DEAF1: variants seen among roughly 807,000 people sequenced by gnomAD.
The protein encoded by DEAF1 is deformed epidermal autoregulatory factor 1 homolog.
A neutral mutation model predicts 58.9 loss-of-function variants in DEAF1; 53 were observed. The observed-to-expected ratio is 0.90, with a 90% CI of 0.72 to 1.13. The LOEUF is 1.13. Ranked by LOEUF, DEAF1 falls within the 50% of genes most tolerant of loss-of-function variation. The pLI, the probability that DEAF1 is intolerant of heterozygous loss-of-function variation, is 0.00. For missense variants in DEAF1, 685 were observed against 791.4 expected (o/e 0.87, Z 1.61); for synonymous variants, 385 against 340.4 (o/e 1.13, Z -1.44).
At chr11:693,163 C>T (rs536550285) in intron 1 of DEAF1, among the ~76,000 whole-genome samples, 8 of 152,316 alleles carry the variant, frequency 5.3e-5, no homozygotes, top group East Asian at 1.9e-4. Flanking sequence ...AGAAAACACA[C>T]GTCAGCACAT....
chr11:689,463 G>A (rs991789130), intron 2 of DEAF1, among the ~76,000 whole-genome samples: 1 of 151,740 alleles, frequency 6.6e-6, no homozygotes, highest in Non-Finnish European at 1.5e-5. Flanking sequence ...TGCCCATCTC[G>A]GCCTCCCAGA....
At position 664,366 on chromosome 11, in the gene DEAF1, G is replaced by C. The variant is rs77974071; in HGVS notation, c.1503+10170C>G. ...ACCCCAAGCCATGGCACTGAGAGGA[G>C]GAAGACAGAAACGGTATCACATTCG... On this transcript the variant is annotated intron_variant, in intron 10 of 11. Transcript: ENST00000382409. Among the ~76,000 whole-genome samples, 112 of 152,326 alleles carry C rather than the reference G, an allele frequency of 7.4e-4. No homozygotes were observed. In the East Asian group the frequency reaches 0.018, roughly 25 times the overall value.
chr11:651,855 C>T (rs1329933411), intron 11 of DEAF1, among the ~76,000 whole-genome samples: 1 of 152,226 alleles, frequency 6.6e-6, no homozygotes, highest in African/African-American at 2.4e-5. Flanking sequence ...CACTACACTC[C>T]AGCCTGGGCG....
At chr11:705,995 A>AGGACGCAGAGGGCTGGGGC (rs1245534632) in intron 1 of DEAF1, 6 of 152,188 alleles carry the variant, frequency 3.9e-5, no homozygotes, top group Non-Finnish European at 7.3e-5. Context: ...GGTGTTGGGG[A>AGGACGCAGAGGGCTGGGGC]GGACGCAGAG....
At chr11:689,362 C>T (rs1860737049) in intron 2 of DEAF1, among the ~76,000 whole-genome samples, 1 of 149,058 alleles carries the variant, frequency 6.7e-6, no homozygotes, top group Admixed American at 6.8e-5. Flanking sequence ...CCCACCACCA[C>T]ACCAGGCTAA....
intron 1 of DEAF1, chr11:704,179 C>G: frequency 9.3e-7 from 1 of 1,076,116 alleles, no homozygotes; most frequent in Non-Finnish European, 1.2e-6. Context: ...TTCTCCTGCC[C>G]TGCAAGAGAG....
intron 11 of DEAF1, among the ~76,000 whole-genome samples, chr11:645,125 T>C (rs976649234): frequency 2.2e-5 from 3 of 139,446 alleles, no homozygotes; most frequent in Non-Finnish European, 4.5e-5. Flanking sequence ...ATGGTGCCAC[T>C]GCACTCCAGC....
At chr11:705,377 A>G (rs1318977534) in intron 1 of DEAF1, 2 of 154,510 alleles carry the variant, frequency 1.3e-5, no homozygotes, top group South Asian at 2.0e-4. Context: ...GAGCGGTCAC[A>G]GCAGCTGGGG....
chr11:694,929 G>A lies in DEAF1; in HGVS notation c.119C>T (p.Pro40Leu), dbSNP rs1861044984. 2 of 1,374,016 alleles carry A rather than the reference G, an allele frequency of 1.5e-6. No homozygotes were observed. The highest frequency in any genetic ancestry group is 1.9e-5 in the South Asian group (1 of 51,780). 85.1% of individuals were successfully genotyped at this position (1,374,016 alleles called of 1,614,324 possible). A position where few individuals can be genotyped will look rare whatever the true frequency, so the allele number is the denominator to read the frequency against. ...CGAGTCCTCGTCCCTGCTCAGCACC[G>A]GCTCCTCCGCCTCGCCTCCTGCCGC... Reference protein sequence around the residue: ...AAAAGGEAEEPVLSRDEDSEE... With the variant: ...AAAAGGEAEELVLSRDEDSEE... The change falls in exon 1 of 12, where the codon CCG becomes CTG. Residue 40 changes from proline (P) to leucine (L), a missense_variant. Physicochemically the swap from Pro to Leu is moderately conservative, Grantham distance 98. Transcript: ENST00000382409.
chr11:681,149 C>A (rs1860345601), intron 6 of DEAF1, 60 bp from the exon 7 acceptor site: 3 of 1,611,282 alleles, frequency 1.9e-6, no homozygotes, highest in Admixed American at 1.7e-5. Context: ...GCTGCGCTTG[C>A]AACTCCTCCT....
chr11:651,375 G>C (rs896453673), intron 11 of DEAF1: 1 of 316,570 alleles, frequency 3.2e-6, no homozygotes. Context: ...AGGAGATGGA[G>C]ACCAGGCTGG....
At chr11:698,522 C>T (rs565246681), upstream of DEAF1, among the ~76,000 whole-genome samples, 44 of 152,316 alleles carry the variant, frequency 2.9e-4, no homozygotes, top group African/African-American at 8.7e-4. Context: ...AAGCCACAGA[C>T]GGTGAGCCAC....
Position 655,048 on chromosome 11 carries a change from AAAACAAAC to A in DEAF1, c.1504-1005_1504-998del, listed in dbSNP as rs202011316. On this transcript the variant is annotated intron_variant, in intron 10 of 11. Coordinates refer to ENST00000382409, the MANE Select transcript of DEAF1 (RefSeq NM_021008.4). Reference sequence around the variant, plus strand: ...TGGGCGACAGAGCAAGACTGTCTCCAAAACAAACAAACAAACAAACAAACAAAAACAAA... The same window carrying A: ...TGGGCGACAGAGCAAGACTGTCTCCAAAACAAACAAACAAACAAAAACAAA... Among the ~76,000 whole-genome samples, 25 of 151,040 alleles carry A rather than the reference AAAACAAAC, an allele frequency of 1.7e-4. 1 individual carries two copies. The highest frequency in any genetic ancestry group is 2.1e-4 in the South Asian group (1 of 4,792).
At chr11:683,040 C>T (rs773232518) in intron 6 of DEAF1, among the ~76,000 whole-genome samples, 5 of 152,100 alleles carry the variant, frequency 3.3e-5, no homozygotes, top group Non-Finnish European at 7.4e-5. Context: ...TCCTCACTGC[C>T]CTTTCCAAGA....
At chr11:655,472 A>G (rs1352622410) in intron 10 of DEAF1, among the ~76,000 whole-genome samples, 1 of 152,246 alleles carries the variant, frequency 6.6e-6, no homozygotes, top group Non-Finnish European at 1.5e-5. Flanking sequence ...GAGACGGAGA[A>G]GACCACTGGG....
At chr11:699,487 CT>C (rs1200675921), upstream of DEAF1, 2 of 154,912 alleles carry the variant, frequency 1.3e-5, no homozygotes. Flanking sequence ...TGGCTCATGC[CT>C]GTAATCCCAA....
intron 10 of DEAF1, among the ~76,000 whole-genome samples, chr11:663,468 G>A (rs1859401108): frequency 6.6e-6 from 1 of 152,172 alleles, no homozygotes; most frequent in African/African-American, 2.4e-5. Context: ...GACTGCCTCT[G>A]GAGTCAATAC....
intron 11 of DEAF1, among the ~76,000 whole-genome samples, chr11:653,083 C>CAAAAAAA (rs71022946): frequency 1.6e-5 from 1 of 62,274 alleles, no homozygotes; most frequent in Non-Finnish European, 2.7e-5. Flanking sequence ...GACTCTGTCT[C>CAAAAAAA]AAAAAAAAAA....
rs148719137 is a variant in DEAF1, at chr11:657,469, A to G, written c.1504-3418T>C. ...CAGAGTTTAAAACACATATAAAATG[A>G]GCCCATCCGGATACAAACAAATGAT... On this transcript the variant is annotated intron_variant, in intron 10 of 11. Transcript: ENST00000382409. 3.9e-4 allele frequency among the ~76,000 whole-genome samples: 60 copies of G among 152,312 alleles called. No individual in the cohort carries two copies. In the East Asian group the frequency reaches 0.011, roughly 28 times the overall value.
Sources: gnomAD v4.1 joint callset for allele counts (sites outside exome capture counted in the v4.1 genomes callset) on GRCh38, gnomAD v4.1.1 for gene constraint, MANE v1.5 for transcripts, NCBI Gene and HGNC (gene_info 2026-07-23, HGNC 2026-07-21) for gene names.